Variants in RAI2 observed in about 807,000 individuals in gnomAD.
RAI2 encodes retinoic acid induced 2, also known as retinoic acid-induced protein 2.
RAI2 carries 5 observed loss-of-function variants against 15.3 expected under a neutral mutation model. The observed-to-expected ratio is 0.33, with a 90% CI of 0.17 to 0.69. The LOEUF is 0.69. Among genes scored for constraint, RAI2 ranks in the 30% least tolerant of loss-of-function variants. RAI2 has a pLI of 0.69. For synonymous variants in RAI2, 191 were observed against 184.0 expected (o/e 1.04, Z -0.31); for missense variants, 424 against 424.7 (o/e 1.00, Z 0.01).
intron 1 of RAI2, among the ~76,000 whole-genome samples, chrX:17,814,405 T>C (rs1217343867): frequency 1.9e-5 from 2 of 105,287 alleles, no homozygotes; most frequent in African/African-American, 3.5e-5. Flanking sequence ...TTGCAGTAAG[T>C]AGCATTTGGT....
At chrX:17,809,629 T>C (rs998096949) in intron 1 of RAI2, among the ~76,000 whole-genome samples, 22 of 109,836 alleles carry the variant, frequency 2.0e-4, no homozygotes, top group Non-Finnish European at 3.8e-5. Flanking sequence ...GTGCTCAAAA[T>C]TTTTTTTTTC....
At chrX:17,806,524 C>A (rs763052494) in intron 1 of RAI2, among the ~76,000 whole-genome samples, 1 of 110,724 alleles carries the variant, frequency 9.0e-6, no homozygotes, top group Non-Finnish European at 1.9e-5. Flanking sequence ...ACCTCACCAT[C>A]TTGGTTTGCA....
At chrX:17,856,589 G>C (rs2067609894) in intron 1 of RAI2, among the ~76,000 whole-genome samples, 1 of 112,571 alleles carries the variant, frequency 8.9e-6, no homozygotes, top group Non-Finnish European at 1.9e-5. Context: ...ATGGGATTTT[G>C]TTATAGCAGC....
At chrX:17,816,035 A>T (rs960776999) in intron 1 of RAI2, among the ~76,000 whole-genome samples, 2 of 105,977 alleles carry the variant, frequency 1.9e-5, no homozygotes, top group African/African-American at 7.0e-5. Context: ...TCTTTCTTTC[A>T]TTCTTTTTCT....
At chrX:17,848,199 G>A (rs2067485904) in intron 1 of RAI2, among the ~76,000 whole-genome samples, 1 of 108,411 alleles carries the variant, frequency 9.2e-6, no homozygotes, top group South Asian at 4.1e-4. Context: ...TGAGCTTTAG[G>A]AAGTGCTGCC....
At chrX:17,852,389 T>C (rs1887895882) in intron 1 of RAI2, among the ~76,000 whole-genome samples, 1 of 112,050 alleles carries the variant, frequency 8.9e-6, no homozygotes, top group Non-Finnish European at 1.9e-5. Flanking sequence ...CAGCCTACCT[T>C]GGATGGCTGC....
chrX:17,811,779 C>A (rs9698636), intron 1 of RAI2, among the ~76,000 whole-genome samples: 6,798 of 111,298 alleles, frequency 0.061, 220 homozygotes, highest in African/African-American at 0.11. Flanking sequence ...CACCCTGGGC[C>A]CTGGGCCCCC....
chrX:17,842,829 A>G (rs1331742284), intron 1 of RAI2, among the ~76,000 whole-genome samples: 1 of 111,854 alleles, frequency 8.9e-6, no homozygotes, highest in Non-Finnish European at 1.9e-5. Flanking sequence ...AAGATTTACT[A>G]CCAAGGTAAA....
At chrX:17,809,255 T>G (rs1014321666) in intron 1 of RAI2, among the ~76,000 whole-genome samples, 4 of 112,380 alleles carry the variant, frequency 3.6e-5, no homozygotes, top group African/African-American at 1.3e-4. Context: ...AATTCATTTA[T>G]GAAAACAGTA....
In RAI2 at chrX:17,800,795, C is replaced by G; in HGVS notation, c.1216G>C (p.Asp406His). 8.3e-7 allele frequency: 1 copy of G among 1,210,880 alleles called. No homozygotes were observed. Among genetic ancestry groups the G allele is most frequent in the South Asian group, 1.8e-5 (1 of 56,967 alleles). Residue 406 changes from aspartate to histidine, a missense_variant, in exon 2 of 2, where the codon GAT (aspartate) becomes CAT (histidine). Transcript: ENST00000451717. ...AMMDSHISSS[D>H]AATEMLSQPN... The stretch of plus-strand genomic sequence containing the variant: ...TGGCTGAGCATCTCGGTAGCAGCAT[C>G]ACTGCTGCTGATGTGACTATCCATC...
chrX:17,855,574 A>G, intron 1 of RAI2, among the ~76,000 whole-genome samples: 1 of 111,287 alleles, frequency 9.0e-6, no homozygotes, highest in Admixed American at 9.5e-5. Flanking sequence ...GAAAATCAAA[A>G]TCGCTTGATG....
chrX:17,847,015 A>G (rs2067470397), intron 1 of RAI2, among the ~76,000 whole-genome samples: 2 of 111,841 alleles, frequency 1.8e-5, no homozygotes, highest in Non-Finnish European at 3.8e-5. Context: ...GCCTGCCACC[A>G]TGTAAGATGT....
intron 1 of RAI2, among the ~76,000 whole-genome samples, chrX:17,850,086 C>T (rs1008649627): frequency 2.7e-5 from 3 of 111,842 alleles, no homozygotes; most frequent in South Asian, 3.8e-4. Flanking sequence ...GAATGCCAGT[C>T]GAAGCTCTAG....
In RAI2 at chrX:17,844,497, T is replaced by C. The variant is rs781429087; in HGVS notation, c.-25+16601A>G. Among the ~76,000 whole-genome samples, 35 of 112,967 alleles carry C rather than the reference T, an allele frequency of 3.1e-4. No individual in the cohort carries two copies. The South Asian group carries it at 3.6e-3, about 12-fold the overall frequency. On this transcript the variant is annotated intron_variant, in intron 1 of 1. Coordinates refer to ENST00000451717, the MANE Select transcript of RAI2 (RefSeq NM_021785.6). Reference sequence around the variant, plus strand: ...AGGTTACTGGCTTGCAGCCTGGGCATTGTCTTGGGCAGAAGAGACCAGCCT... The same window carrying C: ...AGGTTACTGGCTTGCAGCCTGGGCACTGTCTTGGGCAGAAGAGACCAGCCT...
At chrX:17,812,783 A>G (rs1051379632) in intron 1 of RAI2, among the ~76,000 whole-genome samples, 29 of 112,039 alleles carry the variant, frequency 2.6e-4, no homozygotes, top group Non-Finnish European at 5.6e-5. Context: ...GGAGAGAGAA[A>G]GCAAAGAGCC....
intron 1 of RAI2, among the ~76,000 whole-genome samples, chrX:17,855,682 G>A (rs975443069): frequency 7.2e-5 from 8 of 111,865 alleles, no homozygotes; most frequent in African/African-American, 9.7e-5. Context: ...CTGAAGTCAC[G>A]AGGTTGGTTA....
intron 1 of RAI2, chrX:17,837,696 T>A (rs1419882994): frequency 8.9e-6 from 1 of 112,528 alleles, no homozygotes; most frequent in Non-Finnish European, 1.9e-5. Flanking sequence ...AGACAGGCCT[T>A]ATGCAAGTTG....
intron 1 of RAI2, among the ~76,000 whole-genome samples, chrX:17,808,501 T>A (rs1056856905): frequency 9.0e-6 from 1 of 111,319 alleles, no homozygotes; most frequent in Non-Finnish European, 1.9e-5. Flanking sequence ...TAATGTACAG[T>A]GAGGTTGCGG....
chrX:17,834,002 A>G (rs908928958), intron 1 of RAI2, among the ~76,000 whole-genome samples: 3 of 111,739 alleles, frequency 2.7e-5, no homozygotes, highest in African/African-American at 9.8e-5. Context: ...AATGCTGTCA[A>G]TCCCAATGAA....
Sources: gnomAD v4.1 joint callset for allele counts (sites outside exome capture counted in the v4.1 genomes callset) on GRCh38, gnomAD v4.1.1 for gene constraint, MANE v1.5 for transcripts, NCBI Gene and HGNC (gene_info 2026-07-23, HGNC 2026-07-21) for gene names.